Variants in ERO1B observed in about 807,000 individuals in gnomAD.
ERO1B encodes endoplasmic reticulum oxidoreductase 1 beta, also known as ERO1-like protein beta.
A neutral mutation model predicts 75.3 loss-of-function variants in ERO1B; 49 were observed. The ratio of observed to expected loss-of-function variants is 0.65; its 90% CI spans 0.52 to 0.83. The LOEUF (loss-of-function observed/expected upper bound fraction) is 0.83. ERO1B is among the 40% of genes least tolerant of loss of function. The pLI is 0.00. For synonymous variants in ERO1B, 191 were observed against 192.9 expected, an observed-to-expected ratio of 0.99 and a Z score of 0.08; for missense variants, 512 against 560.1, an observed-to-expected ratio of 0.91 and a Z score of 0.87.
rs529246108 is a variant in ERO1B at position 236,269,254 on chromosome 1, AAAAAT to A, written c.222+616_222+620del. Among the ~76,000 whole-genome samples the A allele has an allele frequency of 1.6e-4, 24 of 152,350 alleles. No homozygotes were observed. The East Asian group carries it at 1.9e-3, about 12-fold the overall frequency. On this transcript the variant is annotated intron_variant, in intron 2 of 15. Transcript: ENST00000354619. ...CATCTCAAAAATAGTAAGAATAATAAAAAATAAAATAAAATAAAATGTTGTTCTAA... is the reference window on the plus strand; with the variant it reads ...CATCTCAAAAATAGTAAGAATAATAAAAAATAAAATAAAATGTTGTTCTAA...
intron 2 of ERO1B, among the ~76,000 whole-genome samples, chr1:236,265,622 C>A (rs1665417132): frequency 6.6e-6 from 1 of 152,042 alleles, no homozygotes. Context: ...TGTCTTCTAC[C>A]CTTACAGTCT....
intron 5 of ERO1B, among the ~76,000 whole-genome samples, chr1:236,245,586 T>A (rs1378398102): frequency 2.6e-5 from 1 of 38,508 alleles, no homozygotes; most frequent in African/African-American, 9.1e-5. Context: ...ATATATTTTT[T>A]TTTTTTTTTT....
At chr1:236,239,692 A>G (rs974213655) in intron 6 of ERO1B, among the ~76,000 whole-genome samples, 4 of 151,306 alleles carry the variant, frequency 2.6e-5, no homozygotes, top group African/African-American at 7.3e-5. Context: ...CCTCTCCCAC[A>G]AAAGTTTTAT....
intron 2 of ERO1B, among the ~76,000 whole-genome samples, chr1:236,260,325 A>G (rs1665266474): frequency 6.6e-6 from 1 of 152,210 alleles, no homozygotes; most frequent in Admixed American, 6.5e-5. Flanking sequence ...ATAGGCCAAT[A>G]ATAATTAAGG....
chr1:236,269,598 T>G (rs1665543677), intron 2 of ERO1B, among the ~76,000 whole-genome samples: 1 of 152,210 alleles, frequency 6.6e-6, no homozygotes, highest in Non-Finnish European at 1.5e-5. Flanking sequence ...TAAGAGAGGC[T>G]GACAAAGTAA....
intron 2 of ERO1B, among the ~76,000 whole-genome samples, chr1:236,259,978 G>C (rs1316660523): frequency 6.6e-6 from 1 of 152,114 alleles, no homozygotes; most frequent in Non-Finnish European, 1.5e-5. Context: ...AGCATGTTAG[G>C]CCACAAAACA....
chr1:236,244,644 G>A (rs1396940324), intron 5 of ERO1B, among the ~76,000 whole-genome samples: 1 of 152,124 alleles, frequency 6.6e-6, no homozygotes, highest in African/African-American at 2.4e-5. Context: ...TCTTCTTTGA[G>A]CATCCTCATT....
At chr1:236,260,833 CAGAA>C (rs1431109846) in intron 2 of ERO1B, among the ~76,000 whole-genome samples, 2 of 147,448 alleles carry the variant, frequency 1.4e-5, no homozygotes, top group African/African-American at 4.9e-5. Context: ...ATTTCGAAGG[CAGAA>C]AAAGACACTA....
intron 8 of ERO1B, 88 bp downstream of exon 8, chr1:236,235,701 A>G: frequency 8.5e-7 from 1 of 1,179,132 alleles, no homozygotes; most frequent in Non-Finnish European, 1.2e-6. Context: ...CAAAATATAA[A>G]AATGAAAGTT....
chr1:236,240,810 A>G (rs1405671233), intron 6 of ERO1B, among the ~76,000 whole-genome samples: 1 of 152,130 alleles, frequency 6.6e-6, no homozygotes, highest in Non-Finnish European at 1.5e-5. Context: ...ACTCAATAAT[A>G]TGCCATATAC....
At chr1:236,221,244 T>C (rs1664131849) in intron 14 of ERO1B, among the ~76,000 whole-genome samples, 1 of 152,160 alleles carries the variant, frequency 6.6e-6, no homozygotes, top group African/African-American at 2.4e-5. Flanking sequence ...AAATACCATA[T>C]TAGGATTACA....
intron 5 of ERO1B, among the ~76,000 whole-genome samples, chr1:236,248,070 TC>T (rs1664928733): frequency 6.6e-6 from 1 of 152,326 alleles, no homozygotes; most frequent in African/African-American, 2.4e-5. Flanking sequence ...TGTTATTTCC[TC>T]TGACAAGGAT....
intron 4 of ERO1B, among the ~76,000 whole-genome samples, chr1:236,250,571 CCATATATATATATATA>C (rs2102955542): frequency 2.0e-5 from 1 of 49,842 alleles, no homozygotes; most frequent in South Asian, 8.1e-4. Flanking sequence ...GTAAATTTGA[CCATATATATATATATA>C]TATATATATA....
At chr1:236,220,052 A>C (rs1353524531) in intron 15 of ERO1B, 1 of 147,666 alleles carries the variant, frequency 6.8e-6, no homozygotes. Context: ...AAAAAAAAAA[A>C]AGCAGGGGAC....
chr1:236,263,317 C>T (rs35031012), intron 2 of ERO1B, among the ~76,000 whole-genome samples: 7,914 of 151,946 alleles, frequency 0.052, 578 homozygotes, highest in East Asian at 0.39. Flanking sequence ...GGCATGATCT[C>T]GGCTCACAGC....
chr1:236,243,424 T>C lies in ERO1B; in HGVS notation c.503A>G (p.Asp168Gly). The C allele has an allele frequency of 6.3e-7, 1 of 1,588,240 alleles. No individual in the cohort carries two copies. Among genetic ancestry groups the C allele is most frequent in the South Asian group, 1.1e-5 (1 of 87,536 alleles). ...DDSRDHFCEL[D>G]DERSPAAQYV... ...ATTATAATAGTTTATTGTATTACCATCAAGTTCACAAAAGTGATCCCGTGA... is the reference window on the plus strand; with the variant it reads ...ATTATAATAGTTTATTGTATTACCACCAAGTTCACAAAAGTGATCCCGTGA... Residue 168 changes from aspartate to glycine, a missense_variant and splice_region_variant, in exon 6 of 16, where the codon GAT becomes GGT. Physicochemically the swap from Asp to Gly is moderately conservative, Grantham distance 94. Transcript: ENST00000354619.
At chr1:236,232,779 C>CA in intron 9 of ERO1B, 49 bp downstream of exon 9, 2 of 1,554,078 alleles carry the variant, frequency 1.3e-6, no homozygotes, top group Non-Finnish European at 8.7e-7. Context: ...CTGATTGTTA[C>CA]AAAAAATTTC....
At chr1:236,232,971 G>T in intron 8 of ERO1B, 132 bp from the exon 9 acceptor site, 1 of 625,648 alleles carries the variant, frequency 1.6e-6, no homozygotes, top group Non-Finnish European at 2.6e-6. Context: ...TAGACGCCCT[G>T]CAAATGAGTC....
chr1:236,266,396 G>C (rs536029055), intron 2 of ERO1B, among the ~76,000 whole-genome samples: 90 of 152,302 alleles, frequency 5.9e-4, no homozygotes, highest in Middle Eastern at 6.8e-3. Flanking sequence ...CTGAGATCAG[G>C]AGTTGCGGAC....
Sources: allele counts gnomAD v4.1 joint callset (sites outside exome capture counted in the v4.1 genomes callset), GRCh38; gene constraint gnomAD v4.1.1; transcripts MANE v1.5; gene names NCBI Gene and HGNC (gene_info 2026-07-23, HGNC 2026-07-21).